TDRD10: variants seen among roughly 807,000 people sequenced by gnomAD.
The protein encoded by TDRD10 is tudor domain containing 10, also known as tudor domain-containing protein 10.
In TDRD10, 40 loss-of-function variants were observed where a neutral mutation model predicts 48.0. The observed-to-expected ratio is 0.83, with a 90% CI of 0.65 to 1.09. TDRD10 has a LOEUF of 1.09. TDRD10 is among the 50% of genes least tolerant of loss of function. TDRD10 has a pLI of 0.00. For synonymous variants in TDRD10, 162 were observed against 170.4 expected (o/e 0.95, Z 0.38); for missense variants, 378 against 434.7 (o/e 0.87, Z 1.16).
rs202081156 is a variant in TDRD10, at chr1:154,514,229, G to A, written c.141+5748G>A. ...ATAGAAGAGACTTAGAAATGATAACGAAATACAATGATAGCCTTTGTCTTG... is the reference window on the plus strand; with the variant it reads ...ATAGAAGAGACTTAGAAATGATAACAAAATACAATGATAGCCTTTGTCTTG... On this transcript the variant is annotated intron_variant, in intron 4 of 12. Coordinates refer to ENST00000368482, the MANE Select transcript of TDRD10 (RefSeq NM_182499.4). 6.6e-5 allele frequency among the ~76,000 whole-genome samples: 10 copies of A among 152,178 alleles called. No individual in the cohort carries two copies. In the East Asian group the frequency reaches 1.2e-3, roughly 18 times the overall value.
intron 6 of TDRD10, among the ~76,000 whole-genome samples, chr1:154,522,379 T>G (rs917124135): frequency 1.3e-5 from 2 of 152,198 alleles, no homozygotes; most frequent in African/African-American, 4.8e-5. Context: ...GACACATTGT[T>G]GCTAAACTTG....
At chr1:154,532,224 C>T (rs1428023788) in intron 6 of TDRD10, among the ~76,000 whole-genome samples, 1 of 152,154 alleles carries the variant, frequency 6.6e-6, no homozygotes, top group Non-Finnish European at 1.5e-5. Context: ...GCTGCAGGTC[C>T]CAAGCCCTGC....
chr1:154,528,308 C>G (rs960080043), intron 6 of TDRD10, among the ~76,000 whole-genome samples: 3 of 151,908 alleles, frequency 2.0e-5, no homozygotes, highest in Admixed American at 6.6e-5. Flanking sequence ...ACTGGACAAC[C>G]TCTGCCTCCT....
chr1:154,522,233 C>A (rs1394145625), intron 6 of TDRD10, among the ~76,000 whole-genome samples: 1 of 152,054 alleles, frequency 6.6e-6, no homozygotes, highest in Non-Finnish European at 1.5e-5. Flanking sequence ...AAGCAGAGGG[C>A]AAAAGGGGCC....
At chr1:154,513,216 G>A (rs571577015) in intron 4 of TDRD10, among the ~76,000 whole-genome samples, 64 of 152,258 alleles carry the variant, frequency 4.2e-4, no homozygotes, top group Admixed American at 3.7e-3. Context: ...ATTTTAAAAA[G>A]CATTAATTTG....
chr1:154,525,926 G>T (rs1464111676), intron 6 of TDRD10, among the ~76,000 whole-genome samples: 1 of 149,072 alleles, frequency 6.7e-6, no homozygotes, highest in East Asian at 2.0e-4. Context: ...AAAAGAGGCT[G>T]GGCGTGGTGG....
intron 6 of TDRD10, among the ~76,000 whole-genome samples, chr1:154,522,837 C>G (rs191970850): frequency 2.0e-5 from 3 of 152,336 alleles, no homozygotes; most frequent in Non-Finnish European, 4.4e-5. Context: ...GGCTCATTAT[C>G]TTTCTGTCTT....
chr1:154,509,094 A>ACT (rs1693306041), intron 4 of TDRD10, among the ~76,000 whole-genome samples: 1 of 35,404 alleles, frequency 2.8e-5, no homozygotes, highest in African/African-American at 5.7e-5. Flanking sequence ...GCACCTCCTG[A>ACT]CTTTTTTTTT....
intron 6 of TDRD10, among the ~76,000 whole-genome samples, chr1:154,528,348 C>A (rs1020539027): frequency 6.6e-6 from 1 of 151,930 alleles, no homozygotes; most frequent in Admixed American, 6.6e-5. Flanking sequence ...CTCAGCCTCC[C>A]TAGTAGCTGG....
rs1355820128 is a variant in TDRD10, at chr1:154,543,823, G to A, written c.504-140G>A. ...ACTGGCTTTAGCTCCCACCCTAGAG[G>A]GGGTGGGCACAGCCTTTCTGCTTAG... is the stretch of plus-strand genomic sequence containing the variant. On this transcript the variant is annotated intron_variant, in intron 8 of 12. Transcript: ENST00000368482. The A allele has an allele frequency of 3.2e-6, 4 of 1,269,740 alleles. No individual in the cohort carries two copies. The South Asian group carries it at 4.4e-5, about 14-fold the overall frequency. 78.7% of individuals were successfully genotyped at this position (1,269,740 alleles called of 1,614,324 possible).
intron 6 of TDRD10, among the ~76,000 whole-genome samples, chr1:154,528,960 G>T (rs914550138): frequency 6.6e-6 from 1 of 151,992 alleles, no homozygotes; most frequent in African/African-American, 2.4e-5. Flanking sequence ...ACTCTTGTTG[G>T]TTTTATCAGT....
chr1:154,547,557 G>A (rs1399176699), intron 12 of TDRD10, 78 bp downstream of exon 12: 3 of 1,614,104 alleles, frequency 1.9e-6, no homozygotes, highest in Non-Finnish European at 2.5e-6. Context: ...CTGCTGCCTA[G>A]GCCTGGACAC....
rs6672087 is a variant in TDRD10, at chr1:154,543,646, A to T, written c.504-317A>T. 3.2e-3 allele frequency among the ~76,000 whole-genome samples: 481 copies of T among 152,032 alleles called. 2 individuals are homozygous for T. The highest frequency in any genetic ancestry group is 0.011 in the African/African-American group (465 of 41,436). ...CTCGTGAATCACTTAGGAGGCCCCAAATCTACCCATTGAGGACTTTTATCC... is the reference window on the plus strand; with the variant it reads ...CTCGTGAATCACTTAGGAGGCCCCATATCTACCCATTGAGGACTTTTATCC... On this transcript the variant is annotated intron_variant, in intron 8 of 12. Coordinates refer to ENST00000368482, the MANE Select transcript of TDRD10 (RefSeq NM_182499.4).
intron 6 of TDRD10, among the ~76,000 whole-genome samples, chr1:154,541,502 TA>T (rs1695230712): frequency 6.6e-6 from 1 of 151,224 alleles, no homozygotes; most frequent in South Asian, 2.1e-4. Context: ...GGAAGGGGGA[TA>T]GATACTTGGG....
rs1051904823 is a variant in TDRD10, at chr1:154,547,938, C to G, written c.*228C>G. On this transcript the variant is annotated 3_prime_UTR_variant, in exon 13 of 13. Coordinates refer to ENST00000368482, the MANE Select transcript of TDRD10 (RefSeq NM_182499.4). ...CCCAACTTGGCATGAACATTTGAAC[C>G]AAACATAGGAAACTACCATTAGGTT... is the stretch of plus-strand genomic sequence containing the variant. The G allele has an allele frequency of 1.0e-5, 6 of 594,958 alleles. No homozygotes were observed. The South Asian group carries it at 1.3e-4, about 13-fold the overall frequency. 36.9% of individuals were successfully genotyped at this position (594,958 alleles called of 1,614,324 possible).
At chr1:154,522,951 T>C (rs1389722417) in intron 6 of TDRD10, among the ~76,000 whole-genome samples, 1 of 152,232 alleles carries the variant, frequency 6.6e-6, no homozygotes, top group Non-Finnish European at 1.5e-5. Flanking sequence ...GGTCTCATTC[T>C]GTTGCCCAGG....
intron 6 of TDRD10, among the ~76,000 whole-genome samples, chr1:154,536,498 T>A (rs4639752): frequency 0.19 from 29,661 of 152,250 alleles, 3,115 homozygotes; most frequent in South Asian, 0.23. Context: ...GAACCCATTC[T>A]TATATTTTAG....
At chr1:154,503,168 T>C (rs996706484) in intron 1 of TDRD10, 139 bp downstream of exon 1, 1 of 152,008 alleles carries the variant, frequency 6.6e-6, no homozygotes, top group African/African-American at 2.4e-5. Context: ...CGTCGCTCGC[T>C]CGCGCCGGTT....
intron 4 of TDRD10, among the ~76,000 whole-genome samples, chr1:154,511,928 C>T (rs1462196982): frequency 6.6e-6 from 1 of 151,836 alleles, no homozygotes; most frequent in Non-Finnish European, 1.5e-5. Context: ...ACTCAGGAGG[C>T]TGAGGCACAA....
Sources: allele counts gnomAD v4.1 joint callset (sites outside exome capture counted in the v4.1 genomes callset), GRCh38; gene constraint gnomAD v4.1.1; transcripts MANE v1.5; gene names NCBI Gene and HGNC (gene_info 2026-07-23, HGNC 2026-07-21).